STAG1: variants seen among roughly 807,000 people sequenced by gnomAD.
STAG1 encodes the protein STAG1 cohesin complex component.
STAG1 carries 26 observed loss-of-function variants against 170.9 expected under a neutral mutation model. That is an observed-to-expected ratio of 0.15 (90% CI 0.11 to 0.21). The LOEUF (loss-of-function observed/expected upper bound fraction) is 0.21. Among genes scored for constraint, STAG1 ranks in the 10% least tolerant of loss-of-function variants. The pLI is 1.00. For missense variants in STAG1, 964 were observed against 1,509.5 expected, an observed-to-expected ratio of 0.64 and a Z score of 5.99; for synonymous variants, 514 against 497.7, an observed-to-expected ratio of 1.03 and a Z score of -0.44.
At chr3:136,712,311 C>T (rs906957894) in intron 1 of STAG1, among the ~76,000 whole-genome samples, 2 of 152,122 alleles carry the variant, frequency 1.3e-5, no homozygotes, top group African/African-American at 4.8e-5. Context: ...CCACCGCACC[C>T]AGCCTACAGA....
chr3:136,678,791 T>C (rs1942224279), intron 1 of STAG1, among the ~76,000 whole-genome samples: 1 of 140,140 alleles, frequency 7.1e-6, no homozygotes, highest in Non-Finnish European at 1.5e-5. Flanking sequence ...GGTGGGATAA[T>C]CACTTGAGGC....
At chr3:136,476,377 G>A (rs890531576) in intron 10 of STAG1, among the ~76,000 whole-genome samples, 2 of 152,180 alleles carry the variant, frequency 1.3e-5, no homozygotes, top group African/African-American at 4.8e-5. Context: ...ATAGTCAAGG[G>A]GGGTGGGAAC....
chr3:136,632,074 T>C (rs1402369428), intron 1 of STAG1, among the ~76,000 whole-genome samples: 1 of 152,078 alleles, frequency 6.6e-6, no homozygotes, highest in Non-Finnish European at 1.5e-5. Flanking sequence ...ATGGAAACTA[T>C]GTAAGTTCAA....
intron 1 of STAG1, among the ~76,000 whole-genome samples, chr3:136,699,310 C>A (rs1942981086): frequency 6.6e-6 from 1 of 152,152 alleles, no homozygotes; most frequent in African/African-American, 2.4e-5. Flanking sequence ...CTGCTTTATT[C>A]AAATACTTAA....
intron 12 of STAG1, among the ~76,000 whole-genome samples, chr3:136,466,165 C>A (rs1255400273): frequency 6.6e-6 from 1 of 152,128 alleles, no homozygotes; most frequent in East Asian, 1.9e-4. Context: ...ATGACTTTCA[C>A]GAGCTGACAG....
intron 1 of STAG1, among the ~76,000 whole-genome samples, chr3:136,711,870 C>T (rs1416412487): frequency 6.6e-6 from 1 of 151,914 alleles, no homozygotes; most frequent in East Asian, 1.9e-4. Context: ...TTACATATTA[C>T]ATATCTAAAT....
intron 24 of STAG1, among the ~76,000 whole-genome samples, chr3:136,368,447 T>TA (rs1937163143): frequency 6.6e-6 from 1 of 152,192 alleles, no homozygotes; most frequent in South Asian, 2.1e-4. Context: ...TTTGTTCATT[T>TA]AAGTAATACA....
intron 6 of STAG1, among the ~76,000 whole-genome samples, chr3:136,540,351 TAAAA>T (rs1321258122): frequency 6.6e-6 from 1 of 152,062 alleles, no homozygotes. Context: ...ATGGTGATTT[TAAAA>T]AAGTCTTCTT....
At chr3:136,489,809 AT>A (rs975008792) in intron 9 of STAG1, among the ~76,000 whole-genome samples, 16 of 152,344 alleles carry the variant, frequency 1.1e-4, no homozygotes, top group Non-Finnish European at 2.2e-4. Flanking sequence ...CAATAAGATG[AT>A]TAAAATAAAT....
At chr3:136,401,421 T>A (rs1040720924) in intron 21 of STAG1, among the ~76,000 whole-genome samples, 1 of 152,236 alleles carries the variant, frequency 6.6e-6, no homozygotes, top group South Asian at 2.1e-4. Context: ...TTCTGGATCA[T>A]ACAGTATGTG....
At chr3:136,582,866 A>C (rs1937621597) in intron 4 of STAG1, among the ~76,000 whole-genome samples, 1 of 152,204 alleles carries the variant, frequency 6.6e-6, no homozygotes, top group African/African-American at 2.4e-5. Flanking sequence ...GAACCAGCAA[A>C]TCTCCACAAA....
chr3:136,745,425 G>T (rs1934885027), intron 1 of STAG1, among the ~76,000 whole-genome samples: 1 of 152,192 alleles, frequency 6.6e-6, no homozygotes. Context: ...CAGGGACCAG[G>T]TTCGTGGAAA....
At chr3:136,458,029 A>G (rs1447115996) in intron 13 of STAG1, among the ~76,000 whole-genome samples, 1 of 152,250 alleles carries the variant, frequency 6.6e-6, no homozygotes, top group African/African-American at 2.4e-5. Context: ...ATTGAAACAC[A>G]GAAAAGCCAA....
At chr3:136,726,863 GCAA>G (rs1353849919) in intron 1 of STAG1, among the ~76,000 whole-genome samples, 1 of 152,078 alleles carries the variant, frequency 6.6e-6, no homozygotes, top group Non-Finnish European at 1.5e-5. Context: ...CTAACCTCAT[GCAA>G]CACCACTGTA....
intron 1 of STAG1, among the ~76,000 whole-genome samples, chr3:136,639,560 A>C (rs773416328): frequency 9.9e-5 from 15 of 152,218 alleles, no homozygotes; most frequent in Non-Finnish European, 2.2e-4. Context: ...AGGAACAATA[A>C]AAATATTCCA....
intron 28 of STAG1, among the ~76,000 whole-genome samples, chr3:136,350,957 G>A (rs991367338): frequency 3.3e-5 from 5 of 152,156 alleles, no homozygotes; most frequent in African/African-American, 1.2e-4. Flanking sequence ...CCTTCCTGGA[G>A]TCATAGTCAA....
chr3:136,690,700 G>A (rs1044772920), intron 1 of STAG1, among the ~76,000 whole-genome samples: 1 of 152,138 alleles, frequency 6.6e-6, no homozygotes, highest in Non-Finnish European at 1.5e-5. Context: ...GTTACATCAA[G>A]AAGAGTTCTG....
chr3:136,747,803 T>C (rs1261651270), intron 1 of STAG1, among the ~76,000 whole-genome samples: 1 of 143,334 alleles, frequency 7.0e-6, no homozygotes, highest in Admixed American at 7.2e-5. Flanking sequence ...TGAGACGGAG[T>C]CTCACTCTGT....
intron 22 of STAG1, among the ~76,000 whole-genome samples, chr3:136,392,638 C>T (rs1016004196): frequency 6.6e-6 from 1 of 151,842 alleles, no homozygotes; most frequent in Admixed American, 6.6e-5. Context: ...TGGTGGCATG[C>T]GCCTGTAGTC....
Sources: allele counts gnomAD v4.1 joint callset (sites outside exome capture counted in the v4.1 genomes callset), GRCh38; gene constraint gnomAD v4.1.1; transcripts MANE v1.5; gene names NCBI Gene and HGNC (gene_info 2026-07-23, HGNC 2026-07-21).